Variants in FLRT1 observed in about 807,000 individuals in gnomAD.
FLRT1 encodes the protein fibronectin leucine rich transmembrane protein 1.
In FLRT1, 14 loss-of-function variants were observed where a neutral mutation model predicts 30.9. That is an observed-to-expected ratio of 0.45 (90% confidence interval 0.30 to 0.71). The LOEUF is 0.71. Among genes scored for constraint, FLRT1 ranks in the 30% least tolerant of loss-of-function variants. The pLI is 0.08. For missense variants in FLRT1, 737 were observed against 949.2 expected (o/e 0.78, Z 2.94); for synonymous variants, 368 against 430.4 (o/e 0.85, Z 1.80).
intron 1 of FLRT1, among the ~76,000 whole-genome samples, chr11:64,066,286 G>C (rs1039743704): frequency 8.8e-6 from 1 of 113,480 alleles, no homozygotes; most frequent in African/African-American, 3.9e-5. Flanking sequence ...GACAGAGCGA[G>C]ACTGTCTCAA....
At chr11:64,037,934 G>A (rs760863884) in intron 1 of FLRT1, among the ~76,000 whole-genome samples, 15 of 152,214 alleles carry the variant, frequency 9.9e-5, no homozygotes, top group Non-Finnish European at 1.9e-4. Flanking sequence ...TGCATTTGAC[G>A]CATGTTGTTA....
At position 64,117,079 on chromosome 11, in the gene FLRT1, A is replaced by T. The variant is rs1944999347; in HGVS notation, c.812A>T (p.His271Leu). 1 of 1,602,574 alleles carries T rather than the reference A, an allele frequency of 6.2e-7. No individual in the cohort carries two copies. Among genetic ancestry groups the T allele is most frequent in the Admixed American group, 1.7e-5 (1 of 57,720 alleles). ...AAPPLNLPSA[H>L]LQKLYLQDNA... ...CCACCCCTCAACCTGCCCAGCGCCC[A>T]CCTGCAGAAGCTCTACCTGCAGGAC... The change falls in exon 3 of 3, where the codon CAC becomes CTC. Residue 271 changes from histidine to leucine, a missense_variant. Coordinates refer to ENST00000682287, the MANE Select transcript of FLRT1 (RefSeq NM_013280.5).
chr11:64,037,728 C>A (rs1008892437), intron 1 of FLRT1, among the ~76,000 whole-genome samples: 1 of 152,164 alleles, frequency 6.6e-6, no homozygotes, highest in East Asian at 1.9e-4. Context: ...AGCACCCTGA[C>A]CCCAGCATGG....
intron 1 of FLRT1, among the ~76,000 whole-genome samples, chr11:64,078,983 G>A (rs1234625565): frequency 6.6e-6 from 1 of 152,194 alleles, no homozygotes; most frequent in Non-Finnish European, 1.5e-5. Context: ...ACTCCGACAA[G>A]GAACATGGAT....
intron 1 of FLRT1, among the ~76,000 whole-genome samples, chr11:64,091,521 A>T (rs937579838): frequency 2.0e-5 from 3 of 151,980 alleles, no homozygotes; most frequent in Non-Finnish European, 4.4e-5. Context: ...GGTGGGTTAC[A>T]ACAGTAGCTG....
chr11:64,116,790 G>A lies in FLRT1; in HGVS notation c.523G>A (p.Asp175Asn), dbSNP rs148012979. 192 of 1,613,376 alleles carry A rather than the reference G, an allele frequency of 1.2e-4. No homozygotes were observed. The highest frequency in any genetic ancestry group is 1.5e-4 in the Non-Finnish European group (178 of 1,180,040). Residue 175 changes from aspartate (D) to asparagine (N), a missense_variant, in exon 3 of 3, where the codon GAC becomes AAC. Transcript: ENST00000682287. ...TVSIEEDAFA[D>N]SKQLKLLFLS... Reference sequence around the variant, plus strand: ...CAGCATTGAGGAGGACGCCTTCGCCGACAGCAAACAGCTCAAGCTGCTCTT... The same window carrying A: ...CAGCATTGAGGAGGACGCCTTCGCCAACAGCAAACAGCTCAAGCTGCTCTT...
At chr11:64,102,691 T>C (rs1455052115) in intron 1 of FLRT1, among the ~76,000 whole-genome samples, 1 of 152,024 alleles carries the variant, frequency 6.6e-6, no homozygotes, top group Non-Finnish European at 1.5e-5. Flanking sequence ...GCATGGCCAA[T>C]TGTCAGGATT....
At chr11:64,102,988 T>C (rs1219226755) in intron 1 of FLRT1, among the ~76,000 whole-genome samples, 4 of 151,756 alleles carry the variant, frequency 2.6e-5, no homozygotes, top group African/African-American at 4.8e-5. Context: ...GGGGAATCGG[T>C]TGAACCTGGG....
At chr11:64,044,144 C>G (rs1943540577) in intron 1 of FLRT1, among the ~76,000 whole-genome samples, 1 of 151,992 alleles carries the variant, frequency 6.6e-6, no homozygotes, top group East Asian at 1.9e-4. Context: ...AGCATATGCT[C>G]GTAACCCCCT....
chr11:64,117,520 G>A lies in FLRT1; in HGVS notation c.1253G>A (p.Gly418Glu), dbSNP rs769032516. 1.2e-6 allele frequency: 2 copies of A among 1,605,648 alleles called. No homozygotes were observed. The highest frequency in any genetic ancestry group is 1.7e-6 in the Non-Finnish European group (2 of 1,174,460). The change falls in exon 3 of 3, where the codon GGG (glycine) becomes GAG (glutamate). Residue 418 changes from glycine to glutamate, a missense_variant. Transcript: ENST00000682287. ...TTTACCCTCAAGGCCAAAAGGCCAG[G>A]GCTGCGCCTCCCCGACTCCAACATT... ...SLFTLKAKRPGLRLPDSNIDY... is the reference protein window; with the variant it reads ...SLFTLKAKRPELRLPDSNIDY...
In FLRT1 at chr11:64,117,075, G is replaced by A. The variant is rs768000465; in HGVS notation, c.808G>A (p.Ala270Thr). ...CGCGCCACCCCTCAACCTGCCCAGC[G>A]CCCACCTGCAGAAGCTCTACCTGCA... ...LAAPPLNLPS[A>T]HLQKLYLQDN... The change falls in exon 3 of 3, where the codon GCC (alanine) becomes ACC (threonine). Residue 270 changes from alanine (A) to threonine (T), a missense_variant. Ala to Thr is a moderately conservative substitution (Grantham distance 58). Coordinates refer to ENST00000682287, the MANE Select transcript of FLRT1 (RefSeq NM_013280.5). 23 of 1,601,848 alleles carry A rather than the reference G, an allele frequency of 1.4e-5. No homozygotes were observed. Among genetic ancestry groups the A allele is most frequent in the Middle Eastern group, 1.6e-4 (1 of 6,068 alleles).
chr11:64,067,631 C>T lies in FLRT1; in HGVS notation c.-1038+31472C>T, dbSNP rs937940715. ...GACGCACCAACATGCCCGTGGCCTCCGGTGCACACACAGGGTCCCCAAGCA... is the reference window on the plus strand; with the variant it reads ...GACGCACCAACATGCCCGTGGCCTCTGGTGCACACACAGGGTCCCCAAGCA... On this transcript the variant is annotated intron_variant, in intron 1 of 2. Coordinates refer to ENST00000682287, the MANE Select transcript of FLRT1 (RefSeq NM_013280.5). This position sits in a 1 kb window ranked among gnomAD's most constrained non-coding sequence, Gnocchi z 4.6. Among the ~76,000 whole-genome samples, 3 of 152,280 alleles carry T rather than the reference C, an allele frequency of 2.0e-5. No homozygotes were observed. Among genetic ancestry groups the T allele is most frequent in the East Asian group, 1.9e-4 (1 of 5,168 alleles).
intron 1 of FLRT1, among the ~76,000 whole-genome samples, chr11:64,044,831 G>A (rs1056727824): frequency 2.6e-5 from 4 of 152,178 alleles, no homozygotes; most frequent in African/African-American, 9.7e-5. Context: ...GTCTCCTGTG[G>A]TCTAAGAGCC....
chr11:64,089,187 C>T (rs538374749), intron 1 of FLRT1, among the ~76,000 whole-genome samples: 86 of 152,296 alleles, frequency 5.6e-4, no homozygotes, highest in Non-Finnish European at 1.0e-3. Flanking sequence ...AGTGATCTGA[C>T]GGGACAAGTG....
At chr11:64,068,697 G>A (rs1028837752) in intron 1 of FLRT1, among the ~76,000 whole-genome samples, 3 of 152,230 alleles carry the variant, frequency 2.0e-5, no homozygotes, top group African/African-American at 7.2e-5. Flanking sequence ...TCACGTGTCT[G>A]TCTCTCCCAG....
At chr11:64,074,653 A>G (rs931869089) in intron 1 of FLRT1, among the ~76,000 whole-genome samples, 11 of 152,202 alleles carry the variant, frequency 7.2e-5, no homozygotes, top group Non-Finnish European at 1.5e-4. Context: ...CCCTTACAGC[A>G]TGTCCAAGTA....
At chr11:64,116,190 T>G in intron 2 of FLRT1, 29 bp from the exon 3 acceptor site, 11 of 1,513,594 alleles carry the variant, frequency 7.3e-6, no homozygotes, top group Non-Finnish European at 9.7e-6. Context: ...CGCCTCCCTC[T>G]CACTGCCCCT....
intron 1 of FLRT1, among the ~76,000 whole-genome samples, chr11:64,075,301 G>T (rs1022330942): frequency 6.6e-6 from 1 of 152,264 alleles, no homozygotes; most frequent in African/African-American, 2.4e-5. Context: ...CTCCCTCCAG[G>T]TGACATCCCA....
At chr11:64,106,124 G>C (rs1944758740) in intron 2 of FLRT1, among the ~76,000 whole-genome samples, 1 of 152,174 alleles carries the variant, frequency 6.6e-6, no homozygotes. Flanking sequence ...GGGTCAGAGA[G>C]GTCCCGCTGG....
Sources: allele counts gnomAD v4.1 joint callset (sites outside exome capture counted in the v4.1 genomes callset), GRCh38; gene constraint gnomAD v4.1.1; non-coding constraint Gnocchi (gnomAD v3.1); transcripts MANE v1.5; gene names NCBI Gene and HGNC (gene_info 2026-07-23, HGNC 2026-07-21).